The following CBLC variants were observed in gnomAD, a reference collection of about 807,000 sequenced individuals.
CBLC encodes the protein Cbl proto-oncogene C.
In CBLC, 46 loss-of-function variants were observed where a neutral mutation model predicts 58.6. The observed-to-expected ratio is 0.79, with a 90% CI of 0.62 to 1.00. The LOEUF is 1.00. Ranked by LOEUF, CBLC falls within the 50% of genes least tolerant of loss-of-function variation. The pLI, the probability that CBLC is intolerant of heterozygous loss-of-function variation, is 0.00. For missense variants in CBLC, 655 were observed against 625.8 expected, an observed-to-expected ratio of 1.05 and a Z score of -0.50; for synonymous variants, 271 against 264.2, an observed-to-expected ratio of 1.03 and a Z score of -0.25.
chr19:44,778,166 T>G lies in CBLC; in HGVS notation c.235T>G (p.Phe79Val), dbSNP rs1455042710. Residue 79 changes from phenylalanine to valine, a missense_variant, in exon 1 of 11, where the codon TTT becomes GTT. Physicochemically the swap from Phe to Val is conservative, Grantham distance 50 (BLOSUM62 -1). This residue lies in a region of CBLC where 280 missense variants were observed against 237.2 expected (regional missense o/e 1.18). Transcript: ENST00000647358. ...CGGGGGTCCCGGCGGCTCTGGGGAC[T>G]TTCTACTCATCTACCTGGCCAATCT... ...GPGGPGGSGD[F>V]LLIYLANLEA... The G allele has an allele frequency of 3.2e-6, 5 of 1,558,956 alleles. No individual in the cohort carries two copies. Among genetic ancestry groups the G allele is most frequent in the Non-Finnish European group, 4.3e-6 (5 of 1,156,708 alleles).
Position 44,794,334 on chromosome 19 carries a change from G to A in CBLC, c.1362+53G>A. 3.8e-6 allele frequency: 6 copies of A among 1,569,100 alleles called. No homozygotes were observed. In the South Asian group the frequency reaches 5.6e-5, roughly 15 times the overall value. On this transcript the variant is annotated intron_variant, in intron 9 of 10. Coordinates refer to ENST00000647358, the MANE Select transcript of CBLC (RefSeq NM_012116.4). ...GGGCTGGGGTCTCACTCACCTCCAG[G>A]GTCCCTGGTTCACCTGTGCACTCAG...
chr19:44,782,465 G>T lies in CBLC; in HGVS notation c.753G>T (p.Leu251=), dbSNP rs1211452880. 6.2e-7 allele frequency: 1 copy of T among 1,613,716 alleles called. No homozygotes were observed. Among genetic ancestry groups the T allele is most frequent in the South Asian group, 1.1e-5 (1 of 91,066 alleles). ...CCTATGATGAGGTCCAAGAGCGTCT[G>T]CAGGCCTGCAGGGACAAGCCAGGCA... ...FLTYDEVQER[L]QACRDKPGSY... Residue 251 remains leucine, a synonymous_variant, in exon 4 of 11, where the codon CTG becomes CTT. Coordinates refer to ENST00000647358, the MANE Select transcript of CBLC (RefSeq NM_012116.4).
intron 9 of CBLC, among the ~76,000 whole-genome samples, chr19:44,798,738 AAAAG>A (rs879476526): frequency 2.7e-4 from 41 of 151,984 alleles, no homozygotes; most frequent in African/African-American, 6.5e-4. Flanking sequence ...CTCCGTCTCA[AAAAG>A]AAAGAAAGAA....
At position 44,792,418 on chromosome 19, in the gene CBLC, A is replaced by G; in HGVS notation, c.1041A>G (p.Thr347=). ...QLQLYWAMDS[T]FELCKICAES... ...AGCTCTACTGGGCCATGGACTCCAC[A>G]TTTGAGCTCTGCAAGATCTGTGCTG... Residue 347 remains threonine (T), a synonymous_variant, in exon 7 of 11, where the codon ACA becomes ACG. Transcript: ENST00000647358. The G allele has an allele frequency of 6.2e-7, 1 of 1,613,614 alleles. No individual in the cohort carries two copies. The highest frequency in any genetic ancestry group is 1.1e-5 in the South Asian group (1 of 91,062).
At position 44,792,530 on chromosome 19, in the gene CBLC, G is replaced by T; in HGVS notation, c.1137+16G>T. The T allele has an allele frequency of 6.4e-7, 1 of 1,569,510 alleles. No homozygotes were observed. On this transcript the variant is annotated intron_variant, in intron 7 of 10. Transcript: ENST00000647358. ...TGCCTGGCAGGTGGGTCTGACCCCT[G>T]TGGCGCCTTCCCCTCTGGTCTCCCC...
rs897758747 is a variant in CBLC at position 44,792,383 on chromosome 19, G to A, written c.1006G>A (p.Glu336Lys). The change falls in exon 7 of 11, where the codon GAG becomes AAG. Residue 336 changes from glutamate to lysine, a missense_variant and splice_region_variant. Coordinates refer to ENST00000647358, the MANE Select transcript of CBLC (RefSeq NM_012116.4). Reference protein sequence around the residue: ...EPQQRIHVSEEQLQLYWAMDS... With the variant: ...EPQQRIHVSEKQLQLYWAMDS... ...TCTTCTCTATCCTCTCACCTGCCAG[G>A]AGCAGCTGCAGCTCTACTGGGCCAT... The A allele has an allele frequency of 8.1e-6, 13 of 1,613,302 alleles. No homozygotes were observed. Among genetic ancestry groups the A allele is most frequent in the Non-Finnish European group, 6.8e-6 (8 of 1,179,870 alleles).
In CBLC at chr19:44,792,416, A is replaced by G. The variant is rs748321868; in HGVS notation, c.1039A>G (p.Thr347Ala). 1 of 1,613,588 alleles carries G rather than the reference A, an allele frequency of 6.2e-7. No homozygotes were observed. The highest frequency in any genetic ancestry group is 8.5e-7 in the Non-Finnish European group (1 of 1,179,904). ...QLQLYWAMDS[T>A]FELCKICAES... ...GCAGCTCTACTGGGCCATGGACTCC[A>G]CATTTGAGCTCTGCAAGATCTGTGC... The change falls in exon 7 of 11, where the codon ACA (threonine) becomes GCA (alanine). Residue 347 changes from threonine to alanine, a missense_variant. By Grantham distance (58) the Thr-to-Ala change is moderately conservative (BLOSUM62 0). This residue lies in a region of CBLC where 371 missense variants were observed against 370.8 expected (regional missense o/e 1.00). Transcript: ENST00000647358.
Position 44,778,079 on chromosome 19 carries a change from C to T in CBLC, c.148C>T (p.Arg50Cys). 6.2e-7 allele frequency: 1 copy of T among 1,608,208 alleles called. No individual in the cohort carries two copies. The highest frequency in any genetic ancestry group is 8.5e-7 in the Non-Finnish European group (1 of 1,179,544). The change falls in exon 1 of 11, where the codon CGC becomes TGC. Residue 50 changes from arginine (R) to cysteine (C), a missense_variant. Transcript: ENST00000647358. ...CCCTTCGCTGCGGGACCTGCTGCCCCGCACAGCGCAGCTGCTTCGAGAGGT... is the reference window on the plus strand; with the variant it reads ...CCCTTCGCTGCGGGACCTGCTGCCCTGCACAGCGCAGCTGCTTCGAGAGGT... ...SPPSLRDLLP[R>C]TAQLLREVAH...
chr19:44,792,308 C>T, intron 6 of CBLC, 75 bp from the exon 7 acceptor site: 1 of 1,564,138 alleles, frequency 6.4e-7, no homozygotes, highest in Non-Finnish European at 8.7e-7. Context: ...TTGGGATTTT[C>T]TTCCTGTGGC....
At chr19:44,782,120 G>T (rs1293289210) in intron 3 of CBLC, among the ~76,000 whole-genome samples, 1 of 149,836 alleles carries the variant, frequency 6.7e-6, no homozygotes, top group Non-Finnish European at 1.5e-5. Context: ...AGGGGGTGAG[G>T]GCCTGGACTC....
At chr19:44,794,176 C>T (rs1157326093) in intron 8 of CBLC, 28 bp from the exon 9 acceptor site, 17 of 1,593,068 alleles carry the variant, frequency 1.1e-5, no homozygotes, top group Non-Finnish European at 1.5e-5. Flanking sequence ...GCTCACAAGC[C>T]CCTTCTCCTT....
At chr19:44,782,326 T>G (rs1434671911) in intron 3 of CBLC, 44 bp from the exon 4 acceptor site, 1 of 1,611,584 alleles carries the variant, frequency 6.2e-7, no homozygotes, top group East Asian at 2.2e-5. Context: ...GGATGTGAGC[T>G]GCTTCCCTGG....
At chr19:44,791,204 G>A (rs1273707455) in intron 6 of CBLC, among the ~76,000 whole-genome samples, 4 of 151,748 alleles carry the variant, frequency 2.6e-5, no homozygotes, top group Non-Finnish European at 5.9e-5. Context: ...ACTTTGGGAG[G>A]CTGAGGCGGG....
chr19:44,791,575 A>G (rs568423867), intron 6 of CBLC, among the ~76,000 whole-genome samples: 1 of 152,074 alleles, frequency 6.6e-6, no homozygotes, highest in Non-Finnish European at 1.5e-5. Flanking sequence ...TCTACTAAAC[A>G]TACAAAAATT....
Position 44,800,637 on chromosome 19 carries a change from C to A in CBLC, c.*94C>A, listed in dbSNP as rs1599878219. On this transcript the variant is annotated 3_prime_UTR_variant, in exon 11 of 11. Transcript: ENST00000647358. ...TAAACTGCCAAGCCTGGTCTGTCCT[C>A]CAGGGTGCAAAGGAAGAGTGCAGTG... 9.2e-6 allele frequency: 5 copies of A among 544,246 alleles called. 1 individual carries two copies. In the Admixed American group the frequency reaches 1.6e-4, roughly 18 times the overall value. 33.7% of individuals were successfully genotyped at this position (544,246 alleles called of 1,614,324 possible).
chr19:44,786,589 C>T (rs1045640429), intron 5 of CBLC, among the ~76,000 whole-genome samples: 11 of 147,824 alleles, frequency 7.4e-5, no homozygotes, highest in African/African-American at 2.2e-4. Flanking sequence ...AGCAAGACTC[C>T]GTCTCAGAAA....
intron 5 of CBLC, among the ~76,000 whole-genome samples, chr19:44,785,588 A>G (rs1283965828): frequency 6.6e-6 from 1 of 151,992 alleles, no homozygotes; most frequent in African/African-American, 2.4e-5. Context: ...AGATAGGTAG[A>G]TATGCTGTTG....
intron 9 of CBLC, among the ~76,000 whole-genome samples, chr19:44,795,257 T>C (rs916954818): frequency 2.0e-5 from 3 of 149,710 alleles, no homozygotes; most frequent in Non-Finnish European, 3.0e-5. Flanking sequence ...ATGCCCGGCC[T>C]GCAATCCCAA....
chr19:44,779,962 AT>A (rs556840243), intron 1 of CBLC, among the ~76,000 whole-genome samples: 2 of 152,000 alleles, frequency 1.3e-5, no homozygotes, highest in Non-Finnish European at 2.9e-5. Flanking sequence ...GATCAAAGGA[AT>A]TTTTTTCATA....
Sources: allele counts gnomAD v4.1 joint callset (sites outside exome capture counted in the v4.1 genomes callset), GRCh38; gene constraint gnomAD v4.1.1; regional missense constraint gnomAD v4.1.1; transcripts MANE v1.5; gene names NCBI Gene and HGNC (gene_info 2026-07-23, HGNC 2026-07-21).